The following PLEKHM3 variants were observed in gnomAD, a reference collection of about 807,000 sequenced individuals.
The protein encoded by PLEKHM3 is pleckstrin homology domain containing M3.
Under a neutral mutation model 81.8 loss-of-function variants are expected in PLEKHM3, and 45 were observed. That is an observed-to-expected ratio of 0.55 (90% CI 0.43 to 0.71). The LOEUF (loss-of-function observed/expected upper bound fraction) is 0.71. Ranked by LOEUF, PLEKHM3 falls within the 30% of genes least tolerant of loss-of-function variation. The probability of loss-of-function intolerance (pLI) is 0.00; values close to 1 mark genes in which losing one functional copy is unlikely to be tolerated. For synonymous variants in PLEKHM3, 352 were observed against 356.4 expected (o/e 0.99, Z 0.14); for missense variants, 788 against 924.3 (o/e 0.85, Z 1.91).
At chr2:207,923,575 C>T (rs1033219870) in intron 5 of PLEKHM3, among the ~76,000 whole-genome samples, 2 of 151,996 alleles carry the variant, frequency 1.3e-5, no homozygotes, top group Non-Finnish European at 2.9e-5. Context: ...CCATTGCACT[C>T]CAGCCTGGGT....
intron 1 of PLEKHM3, among the ~76,000 whole-genome samples, chr2:208,007,653 C>T (rs1692540062): frequency 6.6e-6 from 1 of 152,206 alleles, no homozygotes; most frequent in Non-Finnish European, 1.5e-5. Context: ...GGTGGTGGCT[C>T]ACACCTATAA....
At chr2:207,931,302 G>A (rs1385562718) in intron 4 of PLEKHM3, among the ~76,000 whole-genome samples, 183 bp from the exon 5 acceptor site, 1 of 152,224 alleles carries the variant, frequency 6.6e-6, no homozygotes, top group Non-Finnish European at 1.5e-5. Context: ...ACATTCAACT[G>A]TAAGCTAGGA....
intron 5 of PLEKHM3, among the ~76,000 whole-genome samples, chr2:207,923,907 T>TATA (rs1689292624): frequency 4.5e-5 from 3 of 66,196 alleles, no homozygotes; most frequent in African/African-American, 2.4e-4. Flanking sequence ...ATATATATAT[T>TATA]TTTTTTTTTT....
intron 4 of PLEKHM3, among the ~76,000 whole-genome samples, chr2:207,945,465 G>C (rs187363622): frequency 4.8e-4 from 73 of 152,338 alleles, no homozygotes; most frequent in African/African-American, 1.0e-3. Flanking sequence ...ACAAAGGCCT[G>C]AGGATGGCTC....
chr2:207,976,875 C>T lies in PLEKHM3; in HGVS notation c.1322G>A (p.Arg441Gln), dbSNP rs369158949. ...CTCCATCCATTCCTGAGCCCTCTGT[C>T]GGGTCTCAGCTCGGAGGCGAAGGAC... is the stretch of plus-strand genomic sequence containing the variant. ...QDVLRLRAET[R>Q]QRAQEWMEAL... The change falls in exon 3 of 8, where the codon CGA becomes CAA. Residue 441 changes from arginine (R) to glutamine (Q), a missense_variant. Coordinates refer to ENST00000427836, the MANE Select transcript of PLEKHM3 (RefSeq NM_001080475.3). This position sits in a 1 kb window ranked among gnomAD's most constrained non-coding sequence, Gnocchi z 4.1. The T allele has an allele frequency of 1.0e-4, 169 of 1,614,086 alleles. No individual in the cohort carries two copies. Among genetic ancestry groups the T allele is most frequent in the South Asian group, 1.4e-4 (13 of 91,080 alleles).
intron 3 of PLEKHM3, among the ~76,000 whole-genome samples, chr2:207,963,255 G>A (rs1407990556): frequency 1.3e-5 from 2 of 152,144 alleles, no homozygotes; most frequent in Non-Finnish European, 2.9e-5. Flanking sequence ...GCTCTAAGGT[G>A]GGTGAGCAGA....
chr2:208,004,871 C>T (rs1559280052), intron 1 of PLEKHM3, among the ~76,000 whole-genome samples: 1 of 152,082 alleles, frequency 6.6e-6, no homozygotes, highest in Non-Finnish European at 1.5e-5. Flanking sequence ...TTCGCCCAGG[C>T]TAGAGTGAAG....
chr2:207,855,780 A>G (rs946921417), intron 7 of PLEKHM3, among the ~76,000 whole-genome samples: 1 of 152,220 alleles, frequency 6.6e-6, no homozygotes, highest in Admixed American at 6.5e-5. Context: ...AGTACTTCTC[A>G]AAACTGTCAA....
intron 4 of PLEKHM3, among the ~76,000 whole-genome samples, chr2:207,944,041 C>A (rs1176463891): frequency 6.6e-6 from 1 of 152,060 alleles, no homozygotes; most frequent in Non-Finnish European, 1.5e-5. Context: ...GAATTATCAG[C>A]ATAAGAATCC....
chr2:207,874,832 C>T (rs1365174652), intron 6 of PLEKHM3, among the ~76,000 whole-genome samples: 2 of 151,904 alleles, frequency 1.3e-5, no homozygotes, highest in Non-Finnish European at 2.9e-5. Flanking sequence ...CCTCATGATC[C>T]GCCCGCCTTG....
At chr2:207,871,899 G>A (rs1207194757) in intron 6 of PLEKHM3, among the ~76,000 whole-genome samples, 3 of 152,182 alleles carry the variant, frequency 2.0e-5, no homozygotes, top group Admixed American at 2.0e-4. Flanking sequence ...TCTCTGTTGA[G>A]TTAGTTACAT....
At chr2:207,994,965 A>T (rs1406548492) in intron 2 of PLEKHM3, among the ~76,000 whole-genome samples, 1 of 152,158 alleles carries the variant, frequency 6.6e-6, no homozygotes, top group Non-Finnish European at 1.5e-5. Context: ...TGGGCCAAAC[A>T]CGTGTATACC....
chr2:207,830,021 G>C (rs933352274), intron 7 of PLEKHM3, among the ~76,000 whole-genome samples: 8 of 152,122 alleles, frequency 5.3e-5, no homozygotes, highest in African/African-American at 1.9e-4. Context: ...GTTGCGGGGT[G>C]GGGGGTTGGA....
chr2:207,855,946 A>G (rs552702259), intron 7 of PLEKHM3, among the ~76,000 whole-genome samples: 1 of 152,188 alleles, frequency 6.6e-6, no homozygotes, highest in Non-Finnish European at 1.5e-5. Flanking sequence ...TACTAATAAT[A>G]TATCAATATT....
intron 3 of PLEKHM3, among the ~76,000 whole-genome samples, chr2:207,953,560 G>A (rs74741804): frequency 0.019 from 2,880 of 152,172 alleles, 93 homozygotes; most frequent in African/African-American, 0.065. Flanking sequence ...AGGCTGAGGT[G>A]GACAGATCTC....
chr2:208,006,250 A>G (rs1692490508), intron 1 of PLEKHM3, among the ~76,000 whole-genome samples: 4 of 152,202 alleles, frequency 2.6e-5, no homozygotes, highest in Admixed American at 2.0e-4. Flanking sequence ...AATTTCTATA[A>G]TTGAGTACTT....
At chr2:207,833,756 C>T (rs909661024) in intron 7 of PLEKHM3, among the ~76,000 whole-genome samples, 1 of 152,216 alleles carries the variant, frequency 6.6e-6, no homozygotes, top group Admixed American at 6.5e-5. Context: ...TGTTGAGAAC[C>T]ACTGACCTAA....
chr2:207,837,698 C>G (rs2092327476), intron 7 of PLEKHM3, among the ~76,000 whole-genome samples: 1 of 131,782 alleles, frequency 7.6e-6, no homozygotes, highest in Admixed American at 9.1e-5. Context: ...GTGATCTGCC[C>G]ACCTCGGCCT....
chr2:207,898,633 C>A (rs1688321762), intron 6 of PLEKHM3, among the ~76,000 whole-genome samples: 1 of 152,160 alleles, frequency 6.6e-6, no homozygotes. Context: ...TGGTGCAAGC[C>A]TGTAGTCCCA....
Sources: gnomAD v4.1 joint callset for allele counts (sites outside exome capture counted in the v4.1 genomes callset) on GRCh38, gnomAD v4.1.1 for gene constraint, Gnocchi (gnomAD v3.1) non-coding constraint, MANE v1.5 for transcripts, NCBI Gene and HGNC (gene_info 2026-07-23, HGNC 2026-07-21) for gene names.